FAT3: variants seen among roughly 807,000 people sequenced by gnomAD.
FAT3 encodes the protein protocadherin Fat 3.
Under a neutral mutation model 310.2 loss-of-function variants are expected in FAT3, and 95 were observed. That is an observed-to-expected ratio of 0.31 (90% CI 0.26 to 0.36). The LOEUF is 0.36. Ranked by LOEUF, FAT3 falls within the 10% of genes least tolerant of loss-of-function variation. FAT3 has a pLI of 1.00. For missense variants in FAT3, 5,408 were observed against 5,715.6 expected, an observed-to-expected ratio of 0.95 and a Z score of 1.74; for synonymous variants, 2,314 against 2,192.9, an observed-to-expected ratio of 1.06 and a Z score of -1.54.
At chr11:92,293,464 C>T (rs887911849) in intron 1 of FAT3, among the ~76,000 whole-genome samples, 7 of 146,424 alleles carry the variant, frequency 4.8e-5, no homozygotes, top group African/African-American at 7.5e-5. Flanking sequence ...CTCATGATCA[C>T]GTGACCCTGA....
intron 2 of FAT3, among the ~76,000 whole-genome samples, chr11:92,357,369 C>T (rs1189172710): frequency 6.6e-6 from 1 of 152,206 alleles, no homozygotes; most frequent in Non-Finnish European, 1.5e-5. Flanking sequence ...TGCTCTCACA[C>T]ATCTAAAGAT....
intron 3 of FAT3, among the ~76,000 whole-genome samples, chr11:92,629,048 T>G (rs1379769727): frequency 4.6e-5 from 7 of 152,226 alleles, no homozygotes; most frequent in Non-Finnish European, 8.8e-5. Context: ...TTTTCAGTCA[T>G]TCATGATTAA....
At chr11:92,747,489 T>C (rs1945706259) in intron 4 of FAT3, among the ~76,000 whole-genome samples, 1 of 152,218 alleles carries the variant, frequency 6.6e-6, no homozygotes, top group Non-Finnish European at 1.5e-5. Context: ...TGGAAGGGGC[T>C]GCCTTGAAGG....
chr11:92,649,251 A>T (rs1942280962), intron 3 of FAT3, among the ~76,000 whole-genome samples: 1 of 152,226 alleles, frequency 6.6e-6, no homozygotes, highest in Non-Finnish European at 1.5e-5. Context: ...GTTTACAACT[A>T]TAGATACCTT....
intron 3 of FAT3, among the ~76,000 whole-genome samples, chr11:92,555,239 C>T (rs1954977974): frequency 6.6e-6 from 1 of 152,154 alleles, no homozygotes; most frequent in African/African-American, 2.4e-5. Flanking sequence ...GTGATTGTCA[C>T]TACAATAATG....
chr11:92,586,447 G>T (rs1038203694), intron 3 of FAT3, among the ~76,000 whole-genome samples: 4 of 151,944 alleles, frequency 2.6e-5, no homozygotes, highest in African/African-American at 9.7e-5. Flanking sequence ...CTCAGGTTGG[G>T]TTCTTTTACT....
At chr11:92,435,350 A>G (rs993721659) in intron 2 of FAT3, among the ~76,000 whole-genome samples, 7 of 152,246 alleles carry the variant, frequency 4.6e-5, no homozygotes, top group African/African-American at 1.4e-4. Flanking sequence ...TGTGACCACT[A>G]CTAACTGGTG....
intron 1 of FAT3, among the ~76,000 whole-genome samples, chr11:92,346,524 C>T (rs1948426213): frequency 6.6e-6 from 1 of 152,136 alleles, no homozygotes; most frequent in Non-Finnish European, 1.5e-5. Flanking sequence ...TGTGGTCCCT[C>T]TCTGGACCCT....
Position 92,790,052 on chromosome 11 carries a change from T to A in FAT3, c.4445T>A (p.Ile1482Asn). The A allele has an allele frequency of 6.2e-7, 1 of 1,613,860 alleles. No individual in the cohort carries two copies. Among genetic ancestry groups the A allele is most frequent in the Non-Finnish European group, 8.5e-7 (1 of 1,179,766 alleles). ...DVLPDTEILQ[I>N]EATDRDEKHK... ...CTTCCAGACACGGAGATCCTGCAGATTGAAGCCACAGATAGAGATGAGAAG... is the reference window on the plus strand; with the variant it reads ...CTTCCAGACACGGAGATCCTGCAGAATGAAGCCACAGATAGAGATGAGAAG... Residue 1482 changes from isoleucine to asparagine, a missense_variant, in exon 8 of 28, where the codon ATT becomes AAT. This residue lies in a region of FAT3 where 4,588 missense variants were observed against 4,809.8 expected (regional missense o/e 0.95). Transcript: ENST00000525166.
chr11:92,753,800 A>G (rs562421626), intron 4 of FAT3, among the ~76,000 whole-genome samples: 1,084 of 93,550 alleles, frequency 0.012, 49 homozygotes, highest in Admixed American at 0.032. Flanking sequence ...GTGTGTGTGT[A>G]TATATATATG....
At position 92,800,439 on chromosome 11, in the gene FAT3, T is replaced by G. The variant is rs867949538; in HGVS notation, c.7426T>G (p.Phe2476Val). 18 of 1,613,898 alleles carry G rather than the reference T, an allele frequency of 1.1e-5. No homozygotes were observed. Among genetic ancestry groups the G allele is most frequent in the Admixed American group, 3.3e-5 (2 of 60,010 alleles). The change falls in exon 10 of 28, where the codon TTC becomes GTC. Residue 2476 changes from phenylalanine (F) to valine (V), a missense_variant. Physicochemically the swap from Phe to Val is conservative, Grantham distance 50. Transcript: ENST00000525166. ...SLNVSVSDGL[F>V]TSTAQVHIRV... Reference sequence around the variant, plus strand: ...CAATGTGTCTGTCTCTGATGGGTTGTTCACCAGCACTGCACAGGTGCATAT... The same window carrying G: ...CAATGTGTCTGTCTCTGATGGGTTGGTCACCAGCACTGCACAGGTGCATAT...
intron 1 of FAT3, among the ~76,000 whole-genome samples, chr11:92,244,048 T>G (rs1864784859): frequency 1.3e-5 from 2 of 152,090 alleles, no homozygotes; most frequent in African/African-American, 4.8e-5. Flanking sequence ...TACCACTCTT[T>G]CCTCAACTCC....
chr11:92,280,112 A>G (rs754464359), intron 1 of FAT3, among the ~76,000 whole-genome samples: 2 of 152,148 alleles, frequency 1.3e-5, no homozygotes, highest in African/African-American at 2.4e-5. Flanking sequence ...AAAAAAGACT[A>G]TATTGTTGAA....
At chr11:92,698,355 C>A (rs1307922025) in intron 4 of FAT3, among the ~76,000 whole-genome samples, 1 of 152,088 alleles carries the variant, frequency 6.6e-6, no homozygotes, top group Non-Finnish European at 1.5e-5. Context: ...ATTAGCTCAC[C>A]AGTCATGATT....
intron 13 of FAT3, among the ~76,000 whole-genome samples, chr11:92,815,907 T>C (rs7111100): frequency 0.049 from 7,485 of 152,258 alleles, 624 homozygotes; most frequent in African/African-American, 0.17. Context: ...GAGAAACAGA[T>C]TTGCACAACA....
At chr11:92,585,187 G>T (rs555628621) in intron 3 of FAT3, among the ~76,000 whole-genome samples, 34 of 152,150 alleles carry the variant, frequency 2.2e-4, no homozygotes, top group Admixed American at 9.8e-4. Flanking sequence ...GTGAAGGGTT[G>T]GGGGACAAGA....
At chr11:92,480,438 C>T (rs1334541515) in intron 2 of FAT3, among the ~76,000 whole-genome samples, 1 of 152,128 alleles carries the variant, frequency 6.6e-6, no homozygotes, top group Non-Finnish European at 1.5e-5. Flanking sequence ...TTAAGGAAAG[C>T]ATTGGCATCA....
chr11:92,400,573 A>G (rs772397565), intron 2 of FAT3: 1 of 152,168 alleles, frequency 6.6e-6, no homozygotes, highest in Admixed American at 6.6e-5. Flanking sequence ...TTTGTGCATT[A>G]CTTACTTCCT....
At chr11:92,509,283 T>C (rs1953211201) in intron 2 of FAT3, among the ~76,000 whole-genome samples, 1 of 152,204 alleles carries the variant, frequency 6.6e-6, no homozygotes, top group South Asian at 2.1e-4. Context: ...ACACAATCTT[T>C]CTGGAAGGCA....
Sources: gnomAD v4.1 joint callset for allele counts (sites outside exome capture counted in the v4.1 genomes callset) on GRCh38, gnomAD v4.1.1 for gene constraint, gnomAD v4.1.1 regional missense constraint, MANE v1.5 for transcripts, NCBI Gene and HGNC (gene_info 2026-07-23, HGNC 2026-07-21) for gene names.